ITGB1: variants seen among roughly 807,000 people sequenced by gnomAD.
ITGB1 encodes integrin subunit beta 1, also known as integrin beta-1.
In ITGB1, 24 loss-of-function variants were observed where a neutral mutation model predicts 86.5. The ratio of observed to expected loss-of-function variants is 0.28; its 90% confidence interval spans 0.20 to 0.39. The LOEUF (loss-of-function observed/expected upper bound fraction) is 0.39. ITGB1 is among the 10% of genes least tolerant of loss of function. The pLI is 1.00. For synonymous variants in ITGB1, 323 were observed against 316.8 expected, an observed-to-expected ratio of 1.02 and a Z score of -0.21; for missense variants, 556 against 946.9, an observed-to-expected ratio of 0.59 and a Z score of 5.42.
At chr10:32,946,616 C>T (rs2095031700) in intron 1 of ITGB1, among the ~76,000 whole-genome samples, 1 of 151,992 alleles carries the variant, frequency 6.6e-6, no homozygotes, top group African/African-American at 2.4e-5. Flanking sequence ...CATATTTACT[C>T]TTACTTTACT....
intron 15 of ITGB1, among the ~76,000 whole-genome samples, chr10:32,903,609 C>A (rs2094888419): frequency 6.6e-6 from 1 of 152,106 alleles, no homozygotes; most frequent in African/African-American, 2.4e-5. Context: ...CCTCAGCCCT[C>A]ACTCCCCTCT....
intron 1 of ITGB1, among the ~76,000 whole-genome samples, chr10:32,940,570 T>C (rs1277713540): frequency 6.6e-6 from 1 of 152,198 alleles, no homozygotes; most frequent in Non-Finnish European, 1.5e-5. Context: ...GTTATAATCT[T>C]ATGGGACCAC....
chr10:32,955,662 T>TTATTATAATATTATAATATTATA, intron 1 of ITGB1: 1 of 152,360 alleles, frequency 6.6e-6, no homozygotes, highest in South Asian at 2.1e-4. Flanking sequence ...CCACTTTTCA[T>TTATTATAATATTATAATATTATA]TATTATAATA....
At chr10:32,916,974 G>C (rs1277247150) in intron 11 of ITGB1, among the ~76,000 whole-genome samples, 1 of 152,136 alleles carries the variant, frequency 6.6e-6, no homozygotes, top group East Asian at 1.9e-4. Flanking sequence ...AAACAGCATG[G>C]TACTGGTACC....
At chr10:32,914,476 C>A (rs547970824) in intron 11 of ITGB1, among the ~76,000 whole-genome samples, 1 of 152,136 alleles carries the variant, frequency 6.6e-6, no homozygotes, top group East Asian at 1.9e-4. Flanking sequence ...GAAGATCTAC[C>A]AAGCAAATGG....
intron 1 of ITGB1, among the ~76,000 whole-genome samples, chr10:32,948,171 T>A (rs1438981433): frequency 6.6e-6 from 1 of 152,190 alleles, no homozygotes; most frequent in Admixed American, 6.5e-5. Context: ...ACTGACATCC[T>A]CAATATCAAA....
chr10:32,914,574 T>C (rs1429242760), intron 11 of ITGB1, among the ~76,000 whole-genome samples: 1 of 152,096 alleles, frequency 6.6e-6, no homozygotes, highest in Non-Finnish European at 1.5e-5. Flanking sequence ...AAGAACGCCA[T>C]TACATAATGG....
intron 1 of ITGB1, among the ~76,000 whole-genome samples, chr10:32,938,981 C>T (rs540537814): frequency 9.2e-5 from 14 of 152,242 alleles, no homozygotes; most frequent in Non-Finnish European, 1.5e-4. Flanking sequence ...TCCCTTCTAC[C>T]GGTACTGGGT....
intron 11 of ITGB1, among the ~76,000 whole-genome samples, chr10:32,914,420 A>C (rs919826980): frequency 2.6e-5 from 4 of 152,222 alleles, no homozygotes; most frequent in Non-Finnish European, 5.9e-5. Context: ...CAGGAGACCC[A>C]TCTCACGTGC....
intron 1 of ITGB1, chr10:32,944,730 T>C: frequency 2.9e-6 from 2 of 700,184 alleles, no homozygotes; most frequent in Middle Eastern, 4.1e-4. Flanking sequence ...AGCCCGAATG[T>C]GCCCTTTGAG....
chr10:32,927,445 AC>A (rs1384876098), intron 5 of ITGB1, among the ~76,000 whole-genome samples: 5 of 152,196 alleles, frequency 3.3e-5, no homozygotes, highest in Non-Finnish European at 7.4e-5. Flanking sequence ...GCAGGTGCAG[AC>A]ATACTAATTA....
rs1225880679 is a variant in ITGB1, at chr10:32,920,341, T to G, written c.1173A>C (p.Glu391Asp). 1.2e-6 allele frequency: 2 copies of G among 1,612,830 alleles called. No homozygotes were observed. The highest frequency in any genetic ancestry group is 2.7e-5 in the African/African-American group (2 of 74,906). Residue 391 changes from glutamate (E) to aspartate (D), a missense_variant, in exon 10 of 16, where the codon GAA becomes GAC. Around this residue, in one of 4 missense-constraint regions of ITGB1, gnomAD observed 330 missense variants for 531.5 expected, o/e 0.62. Coordinates refer to ENST00000302278, the MANE Select transcript of ITGB1 (RefSeq NM_002211.4). ...AAGATTTGTAACTTATTGTTACGCC[T>G]TCTGACAATTTGCCGTTTTCCAAAA... ...EVILENGKLSEGVTISYKSYC... is the reference protein window; with the variant it reads ...EVILENGKLSDGVTISYKSYC...
chr10:32,911,804 A>T lies in ITGB1; in HGVS notation c.1708+82T>A, dbSNP rs187672594. ...CTGACCCTCAAGCTACCCCTTTTCT[A>T]CTTATGCACCAACTAAACTCAAGAT... On this transcript the variant is annotated intron_variant, in intron 12 of 15. Transcript: ENST00000302278. The T allele has an allele frequency of 1.6e-4, 226 of 1,424,030 alleles. 1 individual carries two copies. In the African/African-American group the frequency reaches 2.7e-3, roughly 17 times the overall value. 88.2% of individuals were successfully genotyped at this position (1,424,030 alleles called of 1,614,324 possible).
chr10:32,916,338 A>G (rs570625679), intron 11 of ITGB1, among the ~76,000 whole-genome samples: 2 of 151,512 alleles, frequency 1.3e-5, no homozygotes, highest in East Asian at 3.9e-4. Context: ...AAGAAATAAC[A>G]CATAACAATA....
At chr10:32,930,211 G>T (rs910097146) in intron 3 of ITGB1, among the ~76,000 whole-genome samples, 167 bp from the exon 4 acceptor site, 1 of 152,166 alleles carries the variant, frequency 6.6e-6, no homozygotes, top group Non-Finnish European at 1.5e-5. Flanking sequence ...TGTGGTAAGT[G>T]TTCTTGTTAA....
intron 7 of ITGB1, 77 bp from the exon 8 acceptor site, chr10:32,922,812 A>G (rs1325212730): frequency 9.1e-6 from 7 of 768,212 alleles, no homozygotes; most frequent in Non-Finnish European, 1.5e-5. Flanking sequence ...CTAGTTATAC[A>G]TGCAAGATTA....
Position 32,928,137 on chromosome 10 carries a change from A to C in ITGB1, c.504T>G (p.Asp168Glu), listed in dbSNP as rs1565826576. The change falls in exon 5 of 16, where the codon GAT (aspartate) becomes GAG (glutamate). Residue 168 changes from aspartate (D) to glutamate (E), a missense_variant. By Grantham distance (45) the Asp-to-Glu change is conservative. Coordinates refer to ENST00000302278, the MANE Select transcript of ITGB1 (RefSeq NM_002211.4). ...DLENVKSLGT[D>E]LMNEMRRITS... Reference sequence around the variant, plus strand: ...TAATCCTCCTCATTTCATTCATCAGATCTGTTCCAAGACTTTTTACATTCT... The same window carrying C: ...TAATCCTCCTCATTTCATTCATCAGCTCTGTTCCAAGACTTTTTACATTCT... 6.2e-7 allele frequency: 1 copy of C among 1,600,436 alleles called. No homozygotes were observed. Among genetic ancestry groups the C allele is most frequent in the South Asian group, 1.1e-5 (1 of 90,520 alleles).
chr10:32,954,735 TTGTG>T (rs1007625737), intron 1 of ITGB1, among the ~76,000 whole-genome samples: 13 of 152,202 alleles, frequency 8.5e-5, no homozygotes, highest in Admixed American at 5.2e-4. Flanking sequence ...ATATATGTGC[TTGTG>T]TGTATGTGTG....
In ITGB1 at chr10:32,953,374, TG is replaced by T. The variant is rs796468906; in HGVS notation, c.-1+4770del. ...TGCCAACTTCTTGATTCATGTCCAC[TG>T]AGTAAAGCATTTTTCAGGTAACTGG... is the stretch of plus-strand genomic sequence containing the variant. On this transcript the variant is annotated intron_variant, in intron 1 of 15. Coordinates refer to ENST00000302278, the MANE Select transcript of ITGB1 (RefSeq NM_002211.4). 6.1e-4 allele frequency among the ~76,000 whole-genome samples: 93 copies of T among 152,314 alleles called. 1 individual carries two copies. The highest frequency in any genetic ancestry group is 2.1e-3 in the African/African-American group (89 of 41,580).
Sources: gnomAD v4.1 joint callset for allele counts (sites outside exome capture counted in the v4.1 genomes callset) on GRCh38, gnomAD v4.1.1 for gene constraint, gnomAD v4.1.1 regional missense constraint, MANE v1.5 for transcripts, NCBI Gene and HGNC (gene_info 2026-07-23, HGNC 2026-07-21) for gene names.